Variants in GATAD1 observed in about 807,000 individuals in gnomAD.
GATAD1 encodes GATA zinc finger domain-containing protein 1.
A neutral mutation model predicts 26.5 loss-of-function variants in GATAD1; 12 were observed. The ratio of observed to expected loss-of-function variants is 0.45; its 90% CI spans 0.29 to 0.73. The LOEUF (loss-of-function observed/expected upper bound fraction) is 0.73, where lower values mean the gene tolerates loss of function less well. GATAD1 is among the 30% of genes least tolerant of loss of function. The probability of loss-of-function intolerance (pLI) is 0.10; values close to 1 mark genes in which losing one functional copy is unlikely to be tolerated. For missense variants in GATAD1, 266 were observed against 342.1 expected, an observed-to-expected ratio of 0.78 and a Z score of 1.75; for synonymous variants, 129 against 133.1, an observed-to-expected ratio of 0.97 and a Z score of 0.21.
At chr7:92,485,042 G>A in the GATAD1 span, among the ~76,000 whole-genome samples, 3 of 152,080 alleles carry the variant, frequency 2.0e-5, no homozygotes, top group Non-Finnish European at 2.9e-5. Flanking sequence ...GCAGGGGCGG[G>A]GGTCACAAGG....
chr7:92,481,598 C>T, the GATAD1 span, among the ~76,000 whole-genome samples: 1 of 152,136 alleles, frequency 6.6e-6, no homozygotes, highest in East Asian at 1.9e-4. Context: ...GACTGCACAG[C>T]CCTGCACTTC....
chr7:92,483,773 G>A, the GATAD1 span, among the ~76,000 whole-genome samples: 1 of 152,198 alleles, frequency 6.6e-6, no homozygotes, highest in Non-Finnish European at 1.5e-5. Context: ...GAACGAAACT[G>A]TAAGCCGGAC....
chr7:92,465,673 A>G, the GATAD1 span, among the ~76,000 whole-genome samples: 1 of 152,146 alleles, frequency 6.6e-6, no homozygotes, highest in Non-Finnish European at 1.5e-5. Context: ...TAAACATGAC[A>G]GACTGGCATG....
chr7:92,483,850 G>T, the GATAD1 span, among the ~76,000 whole-genome samples: 1 of 152,122 alleles, frequency 6.6e-6, no homozygotes, highest in African/African-American at 2.4e-5. Flanking sequence ...GGAAGAATTG[G>T]GACCTGGCTC....
At chr7:92,476,573 C>A in the GATAD1 span, among the ~76,000 whole-genome samples, 2 of 152,070 alleles carry the variant, frequency 1.3e-5, no homozygotes, top group Admixed American at 1.3e-4. Context: ...TTTACTATTT[C>A]TTTCTCTTTC....
At chr7:92,454,885 G>A (rs1249672096) in intron 4 of GATAD1, among the ~76,000 whole-genome samples, 200 bp downstream of exon 4, 2 of 152,148 alleles carry the variant, frequency 1.3e-5, no homozygotes, top group Admixed American at 1.3e-4. Context: ...TTCTGGGGAG[G>A]CTTTTCTTCC....
At chr7:92,469,718 G>C in the GATAD1 span, 2 of 764,176 alleles carry the variant, frequency 2.6e-6, no homozygotes, top group Non-Finnish European at 4.8e-6. Flanking sequence ...GAAACAAGAG[G>C]TCCTACTAAA....
chr7:92,447,592 C>G lies in GATAD1; in HGVS notation c.-138C>G. 2 of 1,180,408 alleles carry G rather than the reference C, an allele frequency of 1.7e-6. No homozygotes were observed. Among genetic ancestry groups the G allele is most frequent in the South Asian group, 4.3e-5 (2 of 46,164 alleles). The allele number at this position is 1,180,408 out of a possible 1,614,324, so 73.1% of individuals were successfully genotyped here. A position where few individuals can be genotyped will look rare whatever the true frequency, so the allele number is the denominator to read the frequency against. ...ACGGGGCAGCGCCAGCGGCCTGGTC[C>G]TTTCACCGGCAGCTCCGTGCCGACG... On this transcript the variant is annotated 5_prime_UTR_variant, in exon 1 of 5. Transcript: ENST00000287957.
intron 3 of GATAD1, among the ~76,000 whole-genome samples, 181 bp downstream of exon 3, chr7:92,450,941 A>T: frequency 6.6e-6 from 1 of 152,222 alleles, no homozygotes; most frequent in East Asian, 1.9e-4. Flanking sequence ...TCTCATCTAG[A>T]GCTGAAGTGG....
chr7:92,467,593 T>C, the GATAD1 span, among the ~76,000 whole-genome samples: 1 of 152,254 alleles, frequency 6.6e-6, no homozygotes, highest in Non-Finnish European at 1.5e-5. Flanking sequence ...GCAGCCACTT[T>C]GGACTGATCA....
At chr7:92,460,907 T>A (rs187052682), downstream of GATAD1, among the ~76,000 whole-genome samples, 2 of 152,154 alleles carry the variant, frequency 1.3e-5, no homozygotes, top group Admixed American at 1.3e-4. Context: ...ACAAGCAGTA[T>A]TTTCCAAATT....
chr7:92,485,101 A>C, the GATAD1 span, among the ~76,000 whole-genome samples: 2 of 152,262 alleles, frequency 1.3e-5, no homozygotes, highest in East Asian at 3.9e-4. Context: ...TCACAAGGTT[A>C]ATCGCTCAGT....
At chr7:92,469,892 G>C in the GATAD1 span, 1 of 778,680 alleles carries the variant, frequency 1.3e-6, no homozygotes, top group Admixed American at 1.7e-5. Flanking sequence ...AGGCTTACCA[G>C]GCGAGTATGG....
At chr7:92,469,075 C>T in the GATAD1 span, 1 of 703,674 alleles carries the variant, frequency 1.4e-6, no homozygotes, top group East Asian at 2.7e-5. Context: ...GCCCCAGGGT[C>T]CAGTGTTTCG....
chr7:92,470,237 C>T, the GATAD1 span: 1 of 778,652 alleles, frequency 1.3e-6, no homozygotes, highest in Non-Finnish European at 2.4e-6. Flanking sequence ...TACGATGGGG[C>T]ATCAATATTT....
At chr7:92,460,088 C>T (rs1789865108), downstream of GATAD1, among the ~76,000 whole-genome samples, 2 of 152,146 alleles carry the variant, frequency 1.3e-5, no homozygotes, top group South Asian at 4.2e-4. Flanking sequence ...CCAAACCATT[C>T]CAGTTCCTGG....
the GATAD1 span, among the ~76,000 whole-genome samples, chr7:92,483,205 G>A: frequency 6.6e-6 from 1 of 152,176 alleles, no homozygotes; most frequent in Non-Finnish European, 1.5e-5. Context: ...AGGAATCCTG[G>A]GCTGCAGGCA....
intron 3 of GATAD1, 43 bp from the exon 4 acceptor site, chr7:92,454,459 C>A: frequency 6.9e-7 from 1 of 1,441,892 alleles, no homozygotes; most frequent in South Asian, 1.2e-5. Flanking sequence ...CTGTGATGTT[C>A]TATTTTTATT....
At chr7:92,464,025 AATAG>A (rs1790018438), downstream of GATAD1, among the ~76,000 whole-genome samples, 1 of 152,220 alleles carries the variant, frequency 6.6e-6, no homozygotes. Flanking sequence ...ATCTTTAAAA[AATAG>A]ATATATAGGA....
Sources: gnomAD v4.1 joint callset for allele counts (sites outside exome capture counted in the v4.1 genomes callset) on GRCh38, gnomAD v4.1.1 for gene constraint, MANE v1.5 for transcripts, NCBI Gene and HGNC (gene_info 2026-07-23, HGNC 2026-07-21) for gene names.